Variants in FBXL13 observed in about 807,000 individuals in gnomAD.
The protein encoded by FBXL13 is F-box and leucine rich repeat protein 13.
Under a neutral mutation model 83.6 loss-of-function variants are expected in FBXL13, and 67 were observed. The observed-to-expected ratio is 0.80, with a 90% CI of 0.66 to 0.98. The LOEUF (loss-of-function observed/expected upper bound fraction) is 0.98, where lower values mean the gene tolerates loss of function less well. Among genes scored for constraint, FBXL13 ranks in the 50% least tolerant of loss-of-function variants. The probability of loss-of-function intolerance (pLI) is 0.00; values close to 1 mark genes in which losing one functional copy is unlikely to be tolerated. For synonymous variants in FBXL13, 272 were observed against 299.5 expected, an observed-to-expected ratio of 0.91 and a Z score of 0.95; for missense variants, 822 against 866.5, an observed-to-expected ratio of 0.95 and a Z score of 0.64.
At chr7:102,906,128 T>C (rs1446787069) in intron 11 of FBXL13, among the ~76,000 whole-genome samples, 3 of 152,134 alleles carry the variant, frequency 2.0e-5, no homozygotes, top group Non-Finnish European at 2.9e-5. Flanking sequence ...GTGAGACTTA[T>C]TCACTATCAT....
At chr7:102,956,103 T>A (rs1824227332) in intron 8 of FBXL13, among the ~76,000 whole-genome samples, 1 of 152,012 alleles carries the variant, frequency 6.6e-6, no homozygotes, top group Non-Finnish European at 1.5e-5. Context: ...TAGACCAATA[T>A]CCCTGATGAA....
intron 9 of FBXL13, among the ~76,000 whole-genome samples, chr7:102,930,503 T>C (rs979859817): frequency 5.3e-5 from 8 of 152,216 alleles, no homozygotes; most frequent in Admixed American, 2.0e-4. Flanking sequence ...TGCAAGTAGA[T>C]TTCTGCTCCA....
chr7:102,899,068 G>A (rs1563061696), intron 11 of FBXL13, among the ~76,000 whole-genome samples: 1 of 151,984 alleles, frequency 6.6e-6, no homozygotes, highest in South Asian at 2.1e-4. Flanking sequence ...GACTTGCGCC[G>A]CCATACTTGG....
chr7:103,055,132 A>G (rs1168063451), intron 2 of FBXL13: 1 of 1,289,406 alleles, frequency 7.8e-7, no homozygotes, highest in Admixed American at 2.3e-5. Context: ...TAAGTTTCAG[A>G]CAATCTTCGA....
chr7:102,861,982 C>CA (rs59375342), intron 16 of FBXL13, among the ~76,000 whole-genome samples: 34,165 of 119,812 alleles, frequency 0.29, 4,854 homozygotes, highest in African/African-American at 0.44. Flanking sequence ...ACTGTGTCTC[C>CA]AAAAAAAAAA....
chr7:102,854,822 T>C (rs201258511), exon 17 of FBXL13: 6 of 1,592,766 alleles, frequency 3.8e-6, no homozygotes, highest in East Asian at 2.3e-5. Context: ...ATACAGAAAG[T>C]TCCTTCAATT....
At chr7:102,835,860 C>T (rs1252724035) in intron 17 of FBXL13, among the ~76,000 whole-genome samples, 5 of 151,988 alleles carry the variant, frequency 3.3e-5, no homozygotes, top group African/African-American at 9.7e-5. Context: ...CCGCCCGCCT[C>T]GGCCTCCCAA....
At chr7:102,994,819 G>A (rs556008479) in intron 6 of FBXL13, among the ~76,000 whole-genome samples, 1 of 152,152 alleles carries the variant, frequency 6.6e-6, no homozygotes, top group East Asian at 1.9e-4. Context: ...TTCAGGCCAC[G>A]TGGACAGAAA....
At chr7:102,931,011 T>C (rs549995216) in intron 9 of FBXL13, among the ~76,000 whole-genome samples, 105 of 152,244 alleles carry the variant, frequency 6.9e-4, no homozygotes, top group African/African-American at 2.5e-3. Flanking sequence ...CAAAACCCTA[T>C]GGTTAAGGAT....
intron 6 of FBXL13, among the ~76,000 whole-genome samples, chr7:102,981,932 G>A (rs1828280713): frequency 6.6e-6 from 1 of 152,108 alleles, no homozygotes; most frequent in Non-Finnish European, 1.5e-5. Flanking sequence ...TGACTATACA[G>A]GTCCAAATGG....
intron 10 of FBXL13, among the ~76,000 whole-genome samples, chr7:102,922,019 C>T (rs1476686623): frequency 6.6e-6 from 1 of 151,984 alleles, no homozygotes; most frequent in African/African-American, 2.4e-5. Context: ...GATGAAACCT[C>T]GTCTCTATTA....
intron 1 of FBXL13, among the ~76,000 whole-genome samples, chr7:103,058,118 T>C (rs922209309): frequency 6.6e-6 from 1 of 152,192 alleles, no homozygotes; most frequent in African/African-American, 2.4e-5. Context: ...TTTCTCCTAA[T>C]TGGACCCTGC....
intron 1 of FBXL13, among the ~76,000 whole-genome samples, chr7:103,058,768 G>C (rs1797582987): frequency 1.3e-5 from 2 of 152,146 alleles, no homozygotes; most frequent in Admixed American, 1.3e-4. Flanking sequence ...CAGCTTTATG[G>C]TACATTTTTA....
intron 11 of FBXL13, among the ~76,000 whole-genome samples, chr7:102,909,070 G>A (rs1439343905): frequency 6.6e-6 from 1 of 152,170 alleles, no homozygotes; most frequent in Non-Finnish European, 1.5e-5. Flanking sequence ...AAGTCTACTT[G>A]GTGTTCTATT....
At chr7:102,933,732 C>A in intron 8 of FBXL13, 1 of 560,328 alleles carries the variant, frequency 1.8e-6, no homozygotes, top group Non-Finnish European at 3.1e-6. Context: ...ACAGTGCTTG[C>A]AATGGGCCTT....
rs146005756 is a variant in FBXL13, at chr7:102,903,394, A to T, written c.1008+9692T>A. ...TTTGACTTCTTCCTTTTCAATTTGG[A>T]TGCTCTTTATATCTTTCTCTTGTCT... On this transcript the variant is annotated intron_variant, in intron 11 of 19. Coordinates refer to ENST00000313221, the Ensembl canonical transcript of FBXL13. Among the ~76,000 whole-genome samples, 569 of 152,138 alleles carry T rather than the reference A, an allele frequency of 3.7e-3. 5 individuals carry two copies. The highest frequency in any genetic ancestry group is 0.014 in the African/African-American group (562 of 41,548).
chr7:102,824,534 G>A (rs1399958059), intron 18 of FBXL13, among the ~76,000 whole-genome samples: 1 of 151,828 alleles, frequency 6.6e-6, no homozygotes, highest in East Asian at 1.9e-4. Context: ...TGCACAGGCT[G>A]GAGTGTAGTG....
intron 8 of FBXL13, chr7:102,939,326 C>A: frequency 1.1e-6 from 1 of 942,170 alleles, no homozygotes; most frequent in Non-Finnish European, 1.6e-6. Context: ...ATCCCTTTAC[C>A]CCTTCTCTTT....
intron 10 of FBXL13, among the ~76,000 whole-genome samples, chr7:102,921,651 G>A (rs577940707): frequency 2.9e-4 from 44 of 152,200 alleles, no homozygotes; most frequent in Non-Finnish European, 6.3e-4. Flanking sequence ...CTGCACTCCA[G>A]CCTGGGCGAC....
Sources: allele counts gnomAD v4.1 joint callset (sites outside exome capture counted in the v4.1 genomes callset), GRCh38; gene constraint gnomAD v4.1.1; transcripts MANE v1.5; gene names NCBI Gene and HGNC (gene_info 2026-07-23, HGNC 2026-07-21).